Variants in AHCYL1 observed in about 807,000 individuals in gnomAD.
AHCYL1 encodes the protein adenosylhomocysteinase like 1, also known as S-adenosylhomocysteine hydrolase-like protein 1.
In AHCYL1, 20 loss-of-function variants were observed where a neutral mutation model predicts 79.3. The observed-to-expected ratio is 0.25, with a 90% CI of 0.18 to 0.37. The LOEUF is 0.37. Ranked by LOEUF, AHCYL1 falls within the 10% of genes least tolerant of loss-of-function variation. The pLI, the probability that AHCYL1 is intolerant of heterozygous loss-of-function variation, is 1.00. For synonymous variants in AHCYL1, 223 were observed against 242.2 expected (o/e 0.92, Z 0.74); for missense variants, 330 against 673.6 (o/e 0.49, Z 5.65).
intron 1 of AHCYL1, among the ~76,000 whole-genome samples, chr1:110,001,520 T>C (rs149813420): frequency 4.1e-4 from 62 of 152,298 alleles, no homozygotes; most frequent in African/African-American, 1.4e-3. Context: ...CCTATACTAG[T>C]TGGTTCTTAT....
At position 110,012,871 on chromosome 1, in the gene AHCYL1, C is replaced by A. The variant is rs1285880391; in HGVS notation, c.478-26C>A. On this transcript the variant is annotated intron_variant, in intron 4 of 16. Transcript: ENST00000369799. ...TCCTGGGTGGCCCTTCTCTTCCTCA[C>A]CCTGTCTTCCTACACTTCTACACAG... The A allele has an allele frequency of 2.5e-6, 4 of 1,584,754 alleles. No individual in the cohort carries two copies. In the Admixed American group the frequency reaches 5.3e-5, roughly 21 times the overall value.
chr1:110,001,634 G>T (rs932358056), intron 1 of AHCYL1, among the ~76,000 whole-genome samples: 1 of 152,056 alleles, frequency 6.6e-6, no homozygotes, highest in South Asian at 2.1e-4. Context: ...ATATGTATTC[G>T]CTTCCCACAC....
Position 110,011,295 on chromosome 1 carries a change from T to C in AHCYL1, c.314T>C (p.Phe105Ser). 6.2e-7 allele frequency: 1 copy of C among 1,614,018 alleles called. No individual in the cohort carries two copies. The highest frequency in any genetic ancestry group is 8.5e-7 in the Non-Finnish European group (1 of 1,180,002). The change falls in exon 3 of 17, where the codon TTC (phenylalanine) becomes TCC (serine). Residue 105 changes from phenylalanine to serine, a missense_variant. Coordinates refer to ENST00000369799, the MANE Select transcript of AHCYL1 (RefSeq NM_006621.7). ...QQTNSKGSSN[F>S]CVKNIKQAEF... ...ACCAACTCCAAGGGCAGCAGCAATT[T>C]CTGTGTGAAGAACATCAAGCAGGCA...
At chr1:109,999,947 G>T (rs1650221636) in intron 1 of AHCYL1, among the ~76,000 whole-genome samples, 1 of 152,072 alleles carries the variant, frequency 6.6e-6, no homozygotes, top group African/African-American at 2.4e-5. Context: ...ATAAGACTTG[G>T]AAAGGGTGCT....
At position 109,996,768 on chromosome 1, in the gene AHCYL1, A is replaced by G. The variant is rs535517218; in HGVS notation, c.120+11596A>G. ...CAGGCGATAGGAATTTTTCAGCTCTATCATATTCTTATGGAACCACCACTG... is the reference window on the plus strand; with the variant it reads ...CAGGCGATAGGAATTTTTCAGCTCTGTCATATTCTTATGGAACCACCACTG... On this transcript the variant is annotated intron_variant, in intron 1 of 16. Transcript: ENST00000369799. Among the ~76,000 whole-genome samples the G allele has an allele frequency of 2.0e-5, 3 of 152,332 alleles. 1 individual carries two copies. In the South Asian group the frequency reaches 6.2e-4, roughly 32 times the overall value.
At chr1:110,016,927 T>C (rs1300134117) in intron 9 of AHCYL1, among the ~76,000 whole-genome samples, 197 bp downstream of exon 9, 2 of 152,210 alleles carry the variant, frequency 1.3e-5, no homozygotes, top group Non-Finnish European at 2.9e-5. Context: ...GTTTTCAGAT[T>C]TTACCATTTT....
At chr1:109,987,419 T>A (rs1240234072) in intron 1 of AHCYL1, among the ~76,000 whole-genome samples, 2 of 152,222 alleles carry the variant, frequency 1.3e-5, no homozygotes. Context: ...CCTTCACCTA[T>A]GAGAATTCTA....
At position 110,013,019 on chromosome 1, in the gene AHCYL1, A is replaced by T. The variant is rs1158323058; in HGVS notation, c.580+20A>T. ...AGGCTGGTAAGTTCGGTTTTTTCCC[A>T]CCAACTTTGCCCCAAAATAGTTATC... is the stretch of plus-strand genomic sequence containing the variant. On this transcript the variant is annotated intron_variant, in intron 5 of 16. Transcript: ENST00000369799. The T allele has an allele frequency of 6.3e-7, 1 of 1,589,788 alleles. No individual in the cohort carries two copies. Among genetic ancestry groups the T allele is most frequent in the Non-Finnish European group, 8.6e-7 (1 of 1,168,444 alleles).
At position 110,018,315 on chromosome 1, in the gene AHCYL1, C is replaced by A. The variant is rs889500043; in HGVS notation, c.1124-58C>A. On this transcript the variant is annotated intron_variant, in intron 11 of 16. Transcript: ENST00000369799. ...GGTCTCCTATGTTCTACCTGAAAGCCAGCCAGTACCTTTGTTGCCCGGCAT... is the reference window on the plus strand; with the variant it reads ...GGTCTCCTATGTTCTACCTGAAAGCAAGCCAGTACCTTTGTTGCCCGGCAT... 8 of 1,549,416 alleles carry A rather than the reference C, an allele frequency of 5.2e-6. No individual in the cohort carries two copies. In the African/African-American group the frequency reaches 1.1e-4, roughly 21 times the overall value.
chr1:110,004,429 C>A, intron 1 of AHCYL1: 1 of 985,374 alleles, frequency 1.0e-6, no homozygotes, highest in East Asian at 1.1e-4. Flanking sequence ...GAGATTGATT[C>A]CCTTGAGATA....
intron 1 of AHCYL1, among the ~76,000 whole-genome samples, chr1:109,996,068 G>A (rs1311255355): frequency 6.6e-6 from 1 of 152,178 alleles, no homozygotes; most frequent in African/African-American, 2.4e-5. Flanking sequence ...TTAGCCGGGT[G>A]TGGTAGCAGG....
At position 110,012,919 on chromosome 1, in the gene AHCYL1, C is replaced by T. The variant is rs756279164; in HGVS notation, c.500C>T (p.Ala167Val). Residue 167 changes from alanine to valine, a missense_variant, in exon 5 of 17, where the codon GCC becomes GTC. Transcript: ENST00000369799. The part of the protein sequence containing the change: ...QTAVLIETLC[A>V]LGAQCRWSAC... ...CAGGTGTTGATTGAGACACTCTGTG[C>T]CCTGGGGGCTCAGTGCCGCTGGTCT... 6.2e-7 allele frequency: 1 copy of T among 1,612,462 alleles called. No individual in the cohort carries two copies. Among genetic ancestry groups the T allele is most frequent in the Admixed American group, 1.7e-5 (1 of 59,842 alleles).
chr1:110,017,276 C>T (rs1487248291), intron 9 of AHCYL1, among the ~76,000 whole-genome samples: 2 of 152,132 alleles, frequency 1.3e-5, no homozygotes, highest in Non-Finnish European at 2.9e-5. Context: ...AAGCCCCAGT[C>T]CTTCCTATGA....
At chr1:110,011,948 A>G (rs1010484269) in intron 3 of AHCYL1, among the ~76,000 whole-genome samples, 1 of 152,248 alleles carries the variant, frequency 6.6e-6, no homozygotes. Flanking sequence ...CTGACAGGAC[A>G]TGGTAAGACA....
rs142413738 is a variant in AHCYL1 at position 110,007,951 on chromosome 1, T to C, written c.121-1083T>C. Among the ~76,000 whole-genome samples, 7 of 152,246 alleles carry C rather than the reference T, an allele frequency of 4.6e-5. No individual in the cohort carries two copies. The East Asian group carries it at 1.4e-3, about 29-fold the overall frequency. On this transcript the variant is annotated intron_variant, in intron 1 of 16. Coordinates refer to ENST00000369799, the MANE Select transcript of AHCYL1 (RefSeq NM_006621.7). ...CAATTGCAAGCTATTTGCTATTGAT[T>C]AGAGCCAGTTTTATTCTTCAAAGAA...
At chr1:109,986,284 G>C (rs1376876462) in intron 1 of AHCYL1, among the ~76,000 whole-genome samples, 1 of 151,698 alleles carries the variant, frequency 6.6e-6, no homozygotes, top group African/African-American at 2.4e-5. Flanking sequence ...AGTCCTTGAG[G>C]CTTCAACTAG....
At chr1:110,004,286 T>G in intron 1 of AHCYL1, 1 of 984,488 alleles carries the variant, frequency 1.0e-6, no homozygotes, top group Non-Finnish European at 1.2e-6. Flanking sequence ...CTGGGGAGAG[T>G]GAGAACTTAA....
chr1:110,020,946 G>A, intron 16 of AHCYL1, 95 bp downstream of exon 16: 1 of 1,497,540 alleles, frequency 6.7e-7, no homozygotes, highest in Admixed American at 2.3e-5. Context: ...TGTTGTACCT[G>A]ATTTTGAAGA....
intron 10 of AHCYL1, among the ~76,000 whole-genome samples, 165 bp downstream of exon 10, chr1:110,017,748 C>G (rs866819070): frequency 6.6e-6 from 1 of 152,190 alleles, no homozygotes; most frequent in African/African-American, 2.4e-5. Flanking sequence ...CTGAGAGCCT[C>G]TTGGCATTTT....
Sources: allele counts gnomAD v4.1 joint callset (sites outside exome capture counted in the v4.1 genomes callset), GRCh38; gene constraint gnomAD v4.1.1; transcripts MANE v1.5; gene names NCBI Gene and HGNC (gene_info 2026-07-23, HGNC 2026-07-21).